The following PPP6R3 variants were observed in gnomAD, a reference collection of about 807,000 sequenced individuals.
PPP6R3 encodes the protein serine/threonine-protein phosphatase 6 regulatory subunit 3.
Under a neutral mutation model 110.7 loss-of-function variants are expected in PPP6R3, and 38 were observed. The observed-to-expected ratio is 0.34, with a 90% CI of 0.26 to 0.45. The LOEUF (loss-of-function observed/expected upper bound fraction) is 0.45. PPP6R3 is among the 20% of genes least tolerant of loss of function. The pLI is 1.00. For missense variants in PPP6R3, 870 were observed against 1,062.4 expected, an observed-to-expected ratio of 0.82 and a Z score of 2.52; for synonymous variants, 369 against 373.5, an observed-to-expected ratio of 0.99 and a Z score of 0.14.
Position 68,537,840 on chromosome 11 carries a change from C to T in PPP6R3, c.176C>T (p.Ser59Leu). ...GCAGAATGTCTCGAAGATTTAGTCT[C>T]ATTCATTATAGAAGAACCACCTCAA... ...LKAECLEDLVSFIIEEPPQDM... is the reference protein window; with the variant it reads ...LKAECLEDLVLFIIEEPPQDM... The change falls in exon 3 of 24, where the codon TCA becomes TTA. Residue 59 changes from serine (S) to leucine (L), a missense_variant. Transcript: ENST00000393800. The T allele has an allele frequency of 3.1e-6, 5 of 1,614,030 alleles. No homozygotes were observed. Among genetic ancestry groups the T allele is most frequent in the Non-Finnish European group, 4.2e-6 (5 of 1,179,924 alleles).
intron 1 of PPP6R3, among the ~76,000 whole-genome samples, chr11:68,500,409 A>T (rs2099042324): frequency 6.6e-6 from 1 of 151,254 alleles, no homozygotes; most frequent in African/African-American, 2.4e-5. Context: ...CCTCTGTTTT[A>T]TGTGCACTGG....
intron 15 of PPP6R3, chr11:68,587,341 G>T (rs937620475): frequency 6.4e-6 from 1 of 155,678 alleles, no homozygotes; most frequent in Non-Finnish European, 1.4e-5. Flanking sequence ...CATAAGGTAG[G>T]TAGGGTAGAA....
At chr11:68,566,609 C>T (rs779501377) in intron 9 of PPP6R3, among the ~76,000 whole-genome samples, 1 of 152,162 alleles carries the variant, frequency 6.6e-6, no homozygotes, top group African/African-American at 2.4e-5. Flanking sequence ...GATCCACCCA[C>T]CTCGGCCTCT....
In PPP6R3 at chr11:68,586,028, T is replaced by TGAGGTAGGAGGATTACTAG. The variant is rs377498081; in HGVS notation, c.1633-1888_1633-1870dup. Among the ~76,000 whole-genome samples, 645 of 152,182 alleles carry TGAGGTAGGAGGATTACTAG rather than the reference T, an allele frequency of 4.2e-3. 25 individuals carry two copies. In the East Asian group the frequency reaches 0.1, roughly 24 times the overall value. The stretch of plus-strand genomic sequence containing the variant: ...CCTGTAGTCTGGCTGCTCTGGAGGC[T>TGAGGTAGGAGGATTACTAG]GAGGTAGGAGGATTACTAGGAGGTA... On this transcript the variant is annotated intron_variant, in intron 15 of 23. Transcript: ENST00000393800.
rs140014882 is a variant in PPP6R3, at chr11:68,512,480, G to C, written c.-157-7021G>C. On this transcript the variant is annotated intron_variant, in intron 1 of 23. Transcript: ENST00000393800. ...GAAAATCACAAAAGATTAAAATCCT[G>C]AGTGTTGAAGCCCTGAAAGCCAATT... 7.1e-3 allele frequency among the ~76,000 whole-genome samples: 1,075 copies of C among 152,336 alleles called. 3 individuals are homozygous for C. Among genetic ancestry groups the C allele is most frequent in the Middle Eastern group, 0.014 (4 of 294 alleles).
At chr11:68,549,933 A>G (rs2099364232) in intron 5 of PPP6R3, among the ~76,000 whole-genome samples, 1 of 152,216 alleles carries the variant, frequency 6.6e-6, no homozygotes, top group Admixed American at 6.5e-5. Context: ...CTGTGGAGAC[A>G]GCAGGAGTCT....
intron 9 of PPP6R3, among the ~76,000 whole-genome samples, chr11:68,565,318 G>A (rs73504486): frequency 1.3e-5 from 2 of 151,810 alleles, no homozygotes; most frequent in African/African-American, 2.4e-5. Flanking sequence ...TGAGCAGGTC[G>A]TGGTTCCATC....
At chr11:68,476,400 C>T (rs899126533) in intron 1 of PPP6R3, among the ~76,000 whole-genome samples, 16 of 132,514 alleles carry the variant, frequency 1.2e-4, no homozygotes, top group African/African-American at 3.4e-4. Context: ...TGCAGTAAGC[C>T]GAGATGGCAG....
chr11:68,497,625 G>T (rs951581598), intron 1 of PPP6R3, among the ~76,000 whole-genome samples: 50 of 152,210 alleles, frequency 3.3e-4, no homozygotes, highest in African/African-American at 1.2e-3. Flanking sequence ...AAAATGCTGG[G>T]ACTACAGGCA....
At chr11:68,581,982 T>G (rs571931823) in intron 14 of PPP6R3, among the ~76,000 whole-genome samples, 1 of 152,318 alleles carries the variant, frequency 6.6e-6, no homozygotes, top group South Asian at 2.1e-4. Flanking sequence ...AGGCAGTGAT[T>G]TGCTCAGAAT....
chr11:68,592,917 G>A (rs1296202940), intron 18 of PPP6R3, among the ~76,000 whole-genome samples: 2 of 152,190 alleles, frequency 1.3e-5, no homozygotes, highest in African/African-American at 2.4e-5. Flanking sequence ...CACCACGTGT[G>A]GAAGGCACAG....
chr11:68,537,792 A>G lies in PPP6R3; in HGVS notation c.128A>G (p.Lys43Arg), dbSNP rs1029901947. The change falls in exon 3 of 24, where the codon AAA becomes AGA. Residue 43 changes from lysine (K) to arginine (R), a missense_variant. By Grantham distance (26) the Lys-to-Arg change is conservative. Coordinates refer to ENST00000393800, the MANE Select transcript of PPP6R3 (RefSeq NM_001164161.2). ...CAGGAATGTAAAGCTCAGAACCGCA[A>G]ACTTATAGAGTTTCTGTTAAAAGCA... The part of the protein sequence containing the change: ...VLQECKAQNR[K>R]LIEFLLKAEC... The G allele has an allele frequency of 5.6e-6, 9 of 1,613,954 alleles. No individual in the cohort carries two copies. Among genetic ancestry groups the G allele is most frequent in the Non-Finnish European group, 7.6e-6 (9 of 1,179,922 alleles).
intron 19 of PPP6R3, among the ~76,000 whole-genome samples, chr11:68,598,778 A>G (rs1002659191): frequency 6.6e-6 from 1 of 152,182 alleles, no homozygotes; most frequent in Non-Finnish European, 1.5e-5. Context: ...GAACTCAGAT[A>G]GAATGATTCC....
At chr11:68,609,527 T>C in intron 22 of PPP6R3, 2 of 1,445,062 alleles carry the variant, frequency 1.4e-6, no homozygotes, top group Non-Finnish European at 1.9e-6. Flanking sequence ...GTCGTGGACA[T>C]ATTATTCCCC....
intron 12 of PPP6R3, among the ~76,000 whole-genome samples, chr11:68,571,581 A>G (rs2099507444): frequency 6.6e-6 from 1 of 152,212 alleles, no homozygotes; most frequent in African/African-American, 2.4e-5. Context: ...CTGATTGGCA[A>G]GGTTATGTGA....
chr11:68,531,063 G>A (rs2099236393), intron 2 of PPP6R3, among the ~76,000 whole-genome samples: 1 of 152,050 alleles, frequency 6.6e-6, no homozygotes, highest in Non-Finnish European at 1.5e-5. Flanking sequence ...CTTTTTCAGA[G>A]GTAGTTTCTG....
chr11:68,495,251 G>A (rs977496826), intron 1 of PPP6R3, among the ~76,000 whole-genome samples: 1 of 152,188 alleles, frequency 6.6e-6, no homozygotes, highest in African/African-American at 2.4e-5. Context: ...AATACATTTG[G>A]TAAAGCAAAG....
At chr11:68,483,620 T>C (rs1447762348) in intron 1 of PPP6R3, among the ~76,000 whole-genome samples, 1 of 152,228 alleles carries the variant, frequency 6.6e-6, no homozygotes, top group Non-Finnish European at 1.5e-5. Context: ...GTAGCTGGAA[T>C]TACAGGCATT....
intron 1 of PPP6R3, among the ~76,000 whole-genome samples, chr11:68,490,628 T>C (rs545089799): frequency 8.2e-4 from 122 of 148,224 alleles, no homozygotes; most frequent in Non-Finnish European, 1.4e-3. Flanking sequence ...ATATTTTCTG[T>C]TTTTTTTTTC....
Sources: gnomAD v4.1 joint callset for allele counts (sites outside exome capture counted in the v4.1 genomes callset) on GRCh38, gnomAD v4.1.1 for gene constraint, MANE v1.5 for transcripts, NCBI Gene and HGNC (gene_info 2026-07-23, HGNC 2026-07-21) for gene names.